Variants in CTNNAL1 observed in about 807,000 individuals in gnomAD.
CTNNAL1 encodes the protein catenin alpha like 1.
Under a neutral mutation model 93.6 loss-of-function variants are expected in CTNNAL1, and 69 were observed. That is an observed-to-expected ratio of 0.74 (90% CI 0.61 to 0.90). The LOEUF is 0.90. Ranked by LOEUF, CTNNAL1 falls within the 40% of genes least tolerant of loss-of-function variation. CTNNAL1 has a pLI of 0.00. For missense variants in CTNNAL1, 836 were observed against 862.0 expected (o/e 0.97, Z 0.38); for synonymous variants, 286 against 305.4 (o/e 0.94, Z 0.66).
intron 6 of CTNNAL1, among the ~76,000 whole-genome samples, chr9:108,981,504 T>C (rs1831428899): frequency 6.6e-6 from 1 of 151,270 alleles, no homozygotes; most frequent in Admixed American, 6.6e-5. Flanking sequence ...AAAAACAGTA[T>C]ATAATTATAT....
rs1362277795 is a variant in CTNNAL1 at position 108,984,396 on chromosome 9, G to T, written c.680C>A (p.Ala227Asp). 6.2e-7 allele frequency: 1 copy of T among 1,612,196 alleles called. No homozygotes were observed. The highest frequency in any genetic ancestry group is 2.2e-5 in the East Asian group (1 of 44,850). ...DEKKKAKMAAARAVLEKCTMM... is the reference protein window; with the variant it reads ...DEKKKAKMAADRAVLEKCTMM... Reference sequence around the variant, plus strand: ...TGTACACTTTTCAAGAACTGCCCTAGCTGCTGCCATTTTTGCCTTTTTCTT... The same window carrying T: ...TGTACACTTTTCAAGAACTGCCCTATCTGCTGCCATTTTTGCCTTTTTCTT... The change falls in exon 5 of 19, where the codon GCT becomes GAT. Residue 227 changes from alanine to aspartate, a missense_variant. Ala to Asp is a moderately radical substitution (Grantham distance 126, BLOSUM62 -2). Coordinates refer to ENST00000325551, the MANE Select transcript of CTNNAL1 (RefSeq NM_003798.4).
chr9:109,007,653 T>C (rs1827073827), intron 1 of CTNNAL1, among the ~76,000 whole-genome samples: 1 of 152,216 alleles, frequency 6.6e-6, no homozygotes, highest in Non-Finnish European at 1.5e-5. Flanking sequence ...CCCAGGGCTT[T>C]TCAAGAAAAT....
At chr9:108,948,364 G>T in intron 14 of CTNNAL1, 130 bp from the exon 15 acceptor site, 1 of 714,162 alleles carries the variant, frequency 1.4e-6, no homozygotes, top group Non-Finnish European at 2.2e-6. Flanking sequence ...TGAATAGACT[G>T]ATAATATTGT....
chr9:108,975,755 T>C (rs966130684), intron 8 of CTNNAL1, among the ~76,000 whole-genome samples: 1 of 152,214 alleles, frequency 6.6e-6, no homozygotes, highest in African/African-American at 2.4e-5. Context: ...TAGGCCCTAT[T>C]GTGACTATCC....
At chr9:108,994,193 T>A (rs529335021) in intron 2 of CTNNAL1, among the ~76,000 whole-genome samples, 1 of 151,492 alleles carries the variant, frequency 6.6e-6, no homozygotes, top group Admixed American at 6.6e-5. Flanking sequence ...ATGGCGCCAC[T>A]GCACTTCAGC....
chr9:108,948,579 G>A (rs1236285396), intron 14 of CTNNAL1, among the ~76,000 whole-genome samples: 1 of 152,026 alleles, frequency 6.6e-6, no homozygotes, highest in Non-Finnish European at 1.5e-5. Flanking sequence ...CCTTTGTTAC[G>A]TAATGGAAAG....
intron 1 of CTNNAL1, among the ~76,000 whole-genome samples, chr9:109,009,828 C>A (rs1827156395): frequency 6.6e-6 from 1 of 152,084 alleles, no homozygotes; most frequent in Non-Finnish European, 1.5e-5. Context: ...TACTTTTCTC[C>A]CATTTATTTA....
intron 10 of CTNNAL1, among the ~76,000 whole-genome samples, chr9:108,970,164 A>T (rs1213296525): frequency 6.6e-6 from 1 of 152,248 alleles, no homozygotes; most frequent in South Asian, 2.1e-4. Context: ...CTTCCTTTAA[A>T]ATAGATATAA....
At chr9:108,951,234 C>T (rs1830557220) in intron 14 of CTNNAL1, among the ~76,000 whole-genome samples, 1 of 149,870 alleles carries the variant, frequency 6.7e-6, no homozygotes, top group Non-Finnish European at 1.5e-5. Flanking sequence ...CCAGGATGGT[C>T]TCGATCTCCT....
At chr9:108,966,575 G>A (rs558636459) in intron 10 of CTNNAL1, among the ~76,000 whole-genome samples, 15 of 152,260 alleles carry the variant, frequency 9.9e-5, no homozygotes, top group Admixed American at 8.5e-4. Context: ...GAGGGCTAGC[G>A]AGGCACAAAA....
At chr9:108,962,168 T>A (rs1411473859) in intron 11 of CTNNAL1, among the ~76,000 whole-genome samples, 1 of 152,192 alleles carries the variant, frequency 6.6e-6, no homozygotes, top group Non-Finnish European at 1.5e-5. Flanking sequence ...AATGTGGAAA[T>A]AATACCTGTC....
At chr9:109,012,105 C>T (rs1466400471) in intron 1 of CTNNAL1, among the ~76,000 whole-genome samples, 1 of 152,208 alleles carries the variant, frequency 6.6e-6, no homozygotes, top group Non-Finnish European at 1.5e-5. Flanking sequence ...ATATATTCAT[C>T]ACTGCTCCGT....
At chr9:108,968,527 A>G (rs1370357385) in intron 10 of CTNNAL1, among the ~76,000 whole-genome samples, 3 of 152,248 alleles carry the variant, frequency 2.0e-5, no homozygotes, top group Non-Finnish European at 4.4e-5. Flanking sequence ...CTCCAGTTCT[A>G]TTGGAATACT....
At chr9:108,985,413 C>T (rs1296411380) in intron 4 of CTNNAL1, among the ~76,000 whole-genome samples, 2 of 152,152 alleles carry the variant, frequency 1.3e-5, no homozygotes, top group South Asian at 2.1e-4. Flanking sequence ...AGGTTAAAGG[C>T]CCCTTCTTAC....
At position 108,942,667 on chromosome 9, in the gene CTNNAL1, T is replaced by C; in HGVS notation, c.*102A>G. On this transcript the variant is annotated 3_prime_UTR_variant, in exon 19 of 19. Coordinates refer to ENST00000325551, the MANE Select transcript of CTNNAL1 (RefSeq NM_003798.4). ...AGAGCAAAATTTCAATATTGTTTTC[T>C]TTATAAAATTGATGAATTTCTGAAA... 2.4e-6 allele frequency: 2 copies of C among 848,184 alleles called. No individual in the cohort carries two copies. The highest frequency in any genetic ancestry group is 3.3e-5 in the South Asian group (2 of 60,748). 52.5% of individuals were successfully genotyped at this position (848,184 alleles called of 1,614,324 possible). A position where few individuals can be genotyped will look rare whatever the true frequency, so the allele number is the denominator to read the frequency against.
At chr9:108,988,136 C>A (rs1476892382) in intron 4 of CTNNAL1, among the ~76,000 whole-genome samples, 1 of 152,004 alleles carries the variant, frequency 6.6e-6, no homozygotes, top group African/African-American at 2.4e-5. Flanking sequence ...CAGGCTGGAG[C>A]GCAGTGGCGT....
At chr9:108,980,920 T>C (rs1375445208) in intron 6 of CTNNAL1, among the ~76,000 whole-genome samples, 1 of 152,220 alleles carries the variant, frequency 6.6e-6, no homozygotes, top group African/African-American at 2.4e-5. Flanking sequence ...TTTCATAACA[T>C]TTGTCCATAT....
chr9:108,958,994 T>C (rs1587951775), intron 11 of CTNNAL1, among the ~76,000 whole-genome samples: 1 of 147,854 alleles, frequency 6.8e-6, no homozygotes, highest in South Asian at 2.1e-4. Context: ...CCAGGCACGG[T>C]GGCTCATGTT....
At chr9:109,010,491 T>A (rs1450857717) in intron 1 of CTNNAL1, among the ~76,000 whole-genome samples, 1 of 152,210 alleles carries the variant, frequency 6.6e-6, no homozygotes, top group Non-Finnish European at 1.5e-5. Flanking sequence ...TTATTTTAAA[T>A]TTGACTGTTG....
Sources: allele counts gnomAD v4.1 joint callset (sites outside exome capture counted in the v4.1 genomes callset), GRCh38; gene constraint gnomAD v4.1.1; transcripts MANE v1.5; gene names NCBI Gene and HGNC (gene_info 2026-07-23, HGNC 2026-07-21).